DPF3: variants seen among roughly 807,000 people sequenced by gnomAD.
DPF3 encodes the protein zinc finger protein DPF3.
Under a neutral mutation model 56.8 loss-of-function variants are expected in DPF3, and 18 were observed. The ratio of observed to expected loss-of-function variants is 0.32; its 90% CI spans 0.22 to 0.47. The LOEUF is 0.47. DPF3 is among the 20% of genes least tolerant of loss of function. The probability of loss-of-function intolerance (pLI) is 1.00; values close to 1 mark genes in which losing one functional copy is unlikely to be tolerated. For missense variants in DPF3, 403 were observed against 488.8 expected (o/e 0.82, Z 1.65); for synonymous variants, 188 against 180.2 (o/e 1.04, Z -0.35).
intron 2 of DPF3, among the ~76,000 whole-genome samples, chr14:72,769,825 C>CA (rs1287251043): frequency 6.6e-6 from 1 of 151,522 alleles, no homozygotes. Flanking sequence ...TGGTGGTATT[C>CA]AAAAAAATAA....
At chr14:72,705,069 C>A (rs567422815) in intron 6 of DPF3, among the ~76,000 whole-genome samples, 1 of 152,180 alleles carries the variant, frequency 6.6e-6, no homozygotes, top group East Asian at 1.9e-4. Flanking sequence ...GGTCCCCAAC[C>A]CCCCGGGCTA....
At chr14:72,865,217 T>C (rs2054196977) in intron 1 of DPF3, among the ~76,000 whole-genome samples, 2 of 152,218 alleles carry the variant, frequency 1.3e-5, no homozygotes, top group South Asian at 2.1e-4. Flanking sequence ...TGCTAGAGAC[T>C]ATGGACGCTG....
At chr14:72,819,245 C>T (rs774204837) in intron 1 of DPF3, among the ~76,000 whole-genome samples, 18 of 152,170 alleles carry the variant, frequency 1.2e-4, no homozygotes, top group African/African-American at 1.9e-4. Flanking sequence ...CCACTGCTGA[C>T]GGGAATATGC....
At chr14:72,758,126 C>A (rs970662332) in intron 2 of DPF3, among the ~76,000 whole-genome samples, 1 of 152,054 alleles carries the variant, frequency 6.6e-6, no homozygotes, top group Non-Finnish European at 1.5e-5. Flanking sequence ...ATATTTTACA[C>A]AATTATAAAG....
At chr14:72,893,599 G>C (rs987768033) in intron 1 of DPF3, among the ~76,000 whole-genome samples, 2 of 151,798 alleles carry the variant, frequency 1.3e-5, no homozygotes, top group Non-Finnish European at 1.5e-5. Flanking sequence ...GCGGCGGGGC[G>C]GGGGCCGCGG....
intron 8 of DPF3, among the ~76,000 whole-genome samples, chr14:72,654,437 A>C (rs369177513): frequency 4.6e-5 from 7 of 152,210 alleles, no homozygotes; most frequent in East Asian, 3.9e-4. Flanking sequence ...GTTGGCACTT[A>C]ATTTTAAATG....
intron 6 of DPF3, among the ~76,000 whole-genome samples, chr14:72,696,528 C>T (rs1346475110): frequency 6.6e-6 from 1 of 152,206 alleles, no homozygotes; most frequent in East Asian, 1.9e-4. Flanking sequence ...GCCTTCAAAA[C>T]ATATTTGTTG....
intron 6 of DPF3, among the ~76,000 whole-genome samples, chr14:72,713,502 C>A (rs1444193722): frequency 6.6e-6 from 1 of 152,194 alleles, no homozygotes; most frequent in African/African-American, 2.4e-5. Flanking sequence ...GAGACCCGTG[C>A]CAGGGTCCAG....
chr14:72,883,899 C>T (rs1886412675), intron 1 of DPF3, among the ~76,000 whole-genome samples: 1 of 150,254 alleles, frequency 6.7e-6, no homozygotes, highest in Admixed American at 6.7e-5. Flanking sequence ...TGCACTCCAG[C>T]CTAGGCGACA....
chr14:72,753,128 G>T, intron 3 of DPF3, 136 bp downstream of exon 3: 1 of 707,126 alleles, frequency 1.4e-6, no homozygotes, highest in Non-Finnish European at 2.3e-6. Flanking sequence ...GCACCCTTAA[G>T]CATGATGTGG....
chr14:72,817,526 T>G (rs967954879), intron 1 of DPF3, among the ~76,000 whole-genome samples: 1 of 152,000 alleles, frequency 6.6e-6, no homozygotes, highest in East Asian at 1.9e-4. Flanking sequence ...ATACAAAAAT[T>G]AGCCAGGCAT....
At chr14:72,713,720 T>C (rs1888758031) in intron 6 of DPF3, among the ~76,000 whole-genome samples, 1 of 152,142 alleles carries the variant, frequency 6.6e-6, no homozygotes, top group Admixed American at 6.5e-5. Context: ...TGCTCTGCTG[T>C]CTGGAGCTGA....
intron 3 of DPF3, among the ~76,000 whole-genome samples, chr14:72,733,756 G>C (rs1889772750): frequency 6.6e-6 from 1 of 152,128 alleles, no homozygotes. Context: ...GCTCCACTGG[G>C]CTCTGTCCTG....
At chr14:72,816,711 A>G (rs1424879804) in intron 1 of DPF3, among the ~76,000 whole-genome samples, 3 of 152,166 alleles carry the variant, frequency 2.0e-5, no homozygotes, top group African/African-American at 7.2e-5. Flanking sequence ...ATTATAAGGA[A>G]CTGTTCTGAT....
intron 7 of DPF3, among the ~76,000 whole-genome samples, chr14:72,688,578 C>T (rs1377789990): frequency 6.6e-6 from 1 of 152,126 alleles, no homozygotes; most frequent in Non-Finnish European, 1.5e-5. Flanking sequence ...GCTACTCTAC[C>T]CCACTGGGGC....
At chr14:72,782,797 C>A (rs556982310) in intron 1 of DPF3, among the ~76,000 whole-genome samples, 32 of 152,136 alleles carry the variant, frequency 2.1e-4, no homozygotes, top group Non-Finnish European at 4.3e-4. Flanking sequence ...TGCACCACTG[C>A]ACTCCAGCCT....
intron 8 of DPF3, among the ~76,000 whole-genome samples, chr14:72,666,894 C>T (rs4903044): frequency 0.44 from 66,878 of 152,010 alleles, 15,535 homozygotes; most frequent in East Asian, 0.82. Flanking sequence ...TTTAAGTACA[C>T]GTTCAAGATC....
chr14:72,626,604 G>T (rs1884843496), intron 9 of DPF3, among the ~76,000 whole-genome samples: 1 of 152,116 alleles, frequency 6.6e-6, no homozygotes, highest in African/African-American at 2.4e-5. Flanking sequence ...TATTTAGGTT[G>T]TTTCCAATAT....
chr14:72,861,062 CACACACAGACACAT>C (rs761230499), intron 1 of DPF3, among the ~76,000 whole-genome samples: 1 of 141,772 alleles, frequency 7.1e-6, no homozygotes, highest in South Asian at 2.2e-4. Flanking sequence ...CACACACACA[CACACACAGACACAT>C]ACACACTTCC....
Sources: allele counts gnomAD v4.1 joint callset (sites outside exome capture counted in the v4.1 genomes callset), GRCh38; gene constraint gnomAD v4.1.1; transcripts MANE v1.5; gene names NCBI Gene and HGNC (gene_info 2026-07-23, HGNC 2026-07-21).